Variants in CEP72 observed in about 807,000 individuals in gnomAD.
The protein encoded by CEP72 is centrosomal protein 72, also known as centrosomal protein of 72 kDa.
In CEP72, 78 loss-of-function variants were observed where a neutral mutation model predicts 65.7. The ratio of observed to expected loss-of-function variants is 1.19; its 90% CI spans 0.99 to 1.43. CEP72 has a LOEUF of 1.43. Among genes scored for constraint, CEP72 ranks in the 40% most tolerant of loss-of-function variants. The probability of loss-of-function intolerance (pLI) is 0.00; values close to 1 mark genes in which losing one functional copy is unlikely to be tolerated. For synonymous variants in CEP72, 358 were observed against 351.7 expected (o/e 1.02, Z -0.20); for missense variants, 914 against 832.9 (o/e 1.10, Z -1.20).
At chr5:632,696 AC>A (rs1737275151) in intron 4 of CEP72, among the ~76,000 whole-genome samples, 3 of 13,074 alleles carry the variant, frequency 2.3e-4, no homozygotes, top group East Asian at 3.7e-3. Flanking sequence ...CCGGGATTTG[AC>A]CCAGTCCTGG....
chr5:649,223 T>C (rs1407412724), intron 11 of CEP72, among the ~76,000 whole-genome samples: 6 of 51,438 alleles, frequency 1.2e-4, no homozygotes, highest in South Asian at 7.5e-4. Flanking sequence ...GACTGTGAGG[T>C]GTGACTGTGA....
In CEP72 at chr5:619,209, C is replaced by T. The variant is rs550110497; in HGVS notation, c.210+92C>T. 3.6e-4 allele frequency: 426 copies of T among 1,193,684 alleles called. 8 individuals are homozygous for T. The South Asian group carries it at 5.4e-3, about 15-fold the overall frequency. The allele number at this position is 1,193,684 out of a possible 1,614,324, so 73.9% of individuals were successfully genotyped here. ...GAAACGGAGTCTGTTTTGTAACCCT[C>T]TGCTTACATCTGTATACGGTACACT... On this transcript the variant is annotated intron_variant, in intron 2 of 11. Coordinates refer to ENST00000264935, the MANE Select transcript of CEP72 (RefSeq NM_018140.4).
At chr5:628,555 C>T (rs78461936) in intron 4 of CEP72, among the ~76,000 whole-genome samples, 1,051 of 86,766 alleles carry the variant, frequency 0.012, no homozygotes, top group African/African-American at 0.06. Context: ...AGGTTGCAGT[C>T]CCCGGGGAGT....
chr5:612,614 C>A, intron 1 of CEP72, 171 bp downstream of exon 1: 1 of 983,442 alleles, frequency 1.0e-6, no homozygotes, highest in Non-Finnish European at 1.2e-6. Flanking sequence ...GAGCGACCCA[C>A]CCCCCGTGCC....
At chr5:670,716 C>T (rs556265600), downstream of CEP72, among the ~76,000 whole-genome samples, 5 of 152,288 alleles carry the variant, frequency 3.3e-5, no homozygotes, top group Admixed American at 3.3e-4. Flanking sequence ...CTTGGGGTTC[C>T]CCATGCCTGT....
At chr5:646,105 T>A (rs1051196245) in intron 10 of CEP72, among the ~76,000 whole-genome samples, 3 of 152,050 alleles carry the variant, frequency 2.0e-5, no homozygotes, top group Non-Finnish European at 2.9e-5. Flanking sequence ...CCTGTGTGGA[T>A]GGTGAATTCG....
chr5:647,071 C>T (rs1054781410), intron 10 of CEP72, among the ~76,000 whole-genome samples: 13 of 152,356 alleles, frequency 8.5e-5, no homozygotes, highest in East Asian at 1.9e-4. Context: ...AGACTTCACG[C>T]GGCGTGGCCT....
rs372839311 is a variant in CEP72 at position 645,159 on chromosome 5, C to T, written c.1666+734C>T. On this transcript the variant is annotated intron_variant, in intron 10 of 11. Transcript: ENST00000264935. This position sits in a 1 kb window ranked among gnomAD's most constrained non-coding sequence, Gnocchi z 4.0. ...TTTTCCTCAAAGGCCAGGTAGTAAC[C>T]GTTTCAGGGCGTGTGGGTCTCACGA... Among the ~76,000 whole-genome samples, 1 of 152,110 alleles carries T rather than the reference C, an allele frequency of 6.6e-6. No individual in the cohort carries two copies. The highest frequency in any genetic ancestry group is 6.5e-5 in the Admixed American group (1 of 15,286).
chr5:644,314 C>A lies in CEP72; in HGVS notation c.1555C>A (p.His519Asn). 6.2e-7 allele frequency: 1 copy of A among 1,613,680 alleles called. No homozygotes were observed. Among genetic ancestry groups the A allele is most frequent in the Non-Finnish European group, 8.5e-7 (1 of 1,179,862 alleles). The change falls in exon 10 of 12, where the codon CAT (histidine) becomes AAT (asparagine). Residue 519 changes from histidine (H) to asparagine (N), a missense_variant. By Grantham distance (68) the His-to-Asn change is moderately conservative. Coordinates refer to ENST00000264935, the MANE Select transcript of CEP72 (RefSeq NM_018140.4). ...THKELDDLRQ[H>N]LDKSLEENSR... ...GTGTCCGCAGGATGATTTGAGACAACATTTAGATAAATCTTTGGAAGAGAA... is the reference window on the plus strand; with the variant it reads ...GTGTCCGCAGGATGATTTGAGACAAAATTTAGATAAATCTTTGGAAGAGAA...
At chr5:618,887 A>T in intron 1 of CEP72, 103 bp from the exon 2 acceptor site, 1 of 885,318 alleles carries the variant, frequency 1.1e-6, no homozygotes, top group East Asian at 2.7e-5. Flanking sequence ...TAAACCAAGA[A>T]TCTGTGTCAG....
chr5:614,202 CTTTT>C (rs771271745), intron 1 of CEP72, among the ~76,000 whole-genome samples: 2 of 151,954 alleles, frequency 1.3e-5, no homozygotes, highest in Non-Finnish European at 2.9e-5. Context: ...TTGATTTCTG[CTTTT>C]TTTTATTTCC....
chr5:656,999 A>G (rs1003636482), downstream of CEP72: 1 of 152,258 alleles, frequency 6.6e-6, no homozygotes, highest in African/African-American at 2.4e-5. Flanking sequence ...GGAGATGACC[A>G]TGATTTTTAT....
At chr5:644,511 G>A (rs1212862686) in intron 10 of CEP72, 86 bp downstream of exon 10, 3 of 1,467,594 alleles carry the variant, frequency 2.0e-6, no homozygotes, top group African/African-American at 1.4e-5. Context: ...TCTTCACTGA[G>A]GGAAGTGAGC....
Position 640,403 on chromosome 5 carries a change from C to G in CEP72, c.1343-5C>G. 6.2e-7 allele frequency: 1 copy of G among 1,611,390 alleles called. No homozygotes were observed. Among genetic ancestry groups the G allele is most frequent in the Admixed American group, 1.7e-5 (1 of 59,830 alleles). On this transcript the variant is annotated splice_polypyrimidine_tract_variant and splice_region_variant and intron_variant, in intron 8 of 11. Transcript: ENST00000264935. ...GCTAATGTAATATTTGGTTTTCACT[C>G]CTAGCTCAGGCAAGACACATCTTGT...
At chr5:648,048 AG>A in intron 11 of CEP72, 132 bp downstream of exon 11, 1 of 619,456 alleles carries the variant, frequency 1.6e-6, no homozygotes. Context: ...GATGATATCC[AG>A]GACCACTGCT....
chr5:648,540 CTG>C (rs1455819767), intron 11 of CEP72, among the ~76,000 whole-genome samples: 15 of 131,202 alleles, frequency 1.1e-4, no homozygotes, highest in East Asian at 7.3e-4. Context: ...TGAGGTGTGA[CTG>C]TGAGGTGTGA....
At chr5:614,466 T>TTTA (rs1735867560) in intron 1 of CEP72, among the ~76,000 whole-genome samples, 1 of 103,998 alleles carries the variant, frequency 9.6e-6, no homozygotes, top group Non-Finnish European at 2.0e-5. Flanking sequence ...TTTTTTTTTT[T>TTTA]GAGGTGGAGT....
chr5:650,186 T>C (rs1441012526), intron 11 of CEP72, among the ~76,000 whole-genome samples: 3 of 127,282 alleles, frequency 2.4e-5, no homozygotes, highest in African/African-American at 9.4e-5. Context: ...GTGACTGAGG[T>C]GTGACTGTGA....
At chr5:674,095 C>T in the CEP72 span, among the ~76,000 whole-genome samples, 12 of 152,378 alleles carry the variant, frequency 7.9e-5, no homozygotes, top group East Asian at 2.3e-3. Context: ...GGCTGACGGC[C>T]CCTGGACAGG....
Sources: gnomAD v4.1 joint callset for allele counts (sites outside exome capture counted in the v4.1 genomes callset) on GRCh38, gnomAD v4.1.1 for gene constraint, Gnocchi (gnomAD v3.1) non-coding constraint, MANE v1.5 for transcripts, NCBI Gene and HGNC (gene_info 2026-07-23, HGNC 2026-07-21) for gene names.